The following AGBL4 variants were observed in gnomAD, a reference collection of about 807,000 sequenced individuals.
The protein encoded by AGBL4 is AGBL carboxypeptidase 4, also known as cytosolic carboxypeptidase 6.
A neutral mutation model predicts 66.4 loss-of-function variants in AGBL4; 58 were observed. The observed-to-expected ratio is 0.87, with a 90% CI of 0.71 to 1.09. The LOEUF (loss-of-function observed/expected upper bound fraction) is 1.09, where lower values mean the gene tolerates loss of function less well. Among genes scored for constraint, AGBL4 ranks in the 50% least tolerant of loss-of-function variants. The probability of loss-of-function intolerance (pLI) is 0.00; values close to 1 mark genes in which losing one functional copy is unlikely to be tolerated. For synonymous variants in AGBL4, 234 were observed against 222.9 expected (o/e 1.05, Z -0.44); for missense variants, 579 against 631.0 (o/e 0.92, Z 0.88).
At chr1:49,084,381 T>G (rs1644865679) in intron 4 of AGBL4, among the ~76,000 whole-genome samples, 1 of 152,212 alleles carries the variant, frequency 6.6e-6, no homozygotes, top group Non-Finnish European at 1.5e-5. Flanking sequence ...GAAAGAGGTT[T>G]AAATAAGTCA....
chr1:48,653,250 C>T (rs1451990008), intron 8 of AGBL4, 87 bp downstream of exon 8: 2 of 1,083,486 alleles, frequency 1.8e-6, no homozygotes, highest in Admixed American at 2.7e-5. Context: ...AAAATTCTTC[C>T]TCAAAAAATA....
At chr1:49,989,277 T>C (rs1659744272) in intron 1 of AGBL4, among the ~76,000 whole-genome samples, 1 of 152,144 alleles carries the variant, frequency 6.6e-6, no homozygotes, top group Non-Finnish European at 1.5e-5. Context: ...GACATGTGCA[T>C]CTGAAATGTA....
chr1:49,917,037 A>G (rs1281320289), intron 1 of AGBL4, among the ~76,000 whole-genome samples: 1 of 152,236 alleles, frequency 6.6e-6, no homozygotes, highest in East Asian at 1.9e-4. Flanking sequence ...GCAAATGCTG[A>G]GAGATTTTGT....
intron 3 of AGBL4, among the ~76,000 whole-genome samples, chr1:49,355,818 A>T (rs903408206): frequency 6.6e-6 from 1 of 152,148 alleles, no homozygotes; most frequent in African/African-American, 2.4e-5. Flanking sequence ...TCTAATTTTC[A>T]TGTCACTTCC....
At chr1:49,672,921 CAAAAAAAAA>C (rs60612868) in intron 3 of AGBL4, among the ~76,000 whole-genome samples, 3 of 47,084 alleles carry the variant, frequency 6.4e-5, no homozygotes, top group Non-Finnish European at 1.0e-4. Flanking sequence ...AACTCCATCT[CAAAAAAAAA>C]AAAAAAAAAA....
chr1:49,065,995 G>A (rs1644485188), intron 4 of AGBL4, among the ~76,000 whole-genome samples: 1 of 152,190 alleles, frequency 6.6e-6, no homozygotes, highest in South Asian at 2.1e-4. Flanking sequence ...CTGTCTTGAA[G>A]CATAAGACTG....
chr1:50,012,418 G>C (rs1440225762), intron 1 of AGBL4, among the ~76,000 whole-genome samples: 1 of 151,972 alleles, frequency 6.6e-6, no homozygotes, highest in East Asian at 1.9e-4. Flanking sequence ...TGATGTGCTT[G>C]TTTCACATTG....
intron 3 of AGBL4, among the ~76,000 whole-genome samples, chr1:49,441,138 T>C (rs1243737982): frequency 1.3e-5 from 2 of 152,124 alleles, no homozygotes; most frequent in African/African-American, 4.8e-5. Context: ...AGATTAAAGT[T>C]CCGGTGGGCC....
chr1:49,783,031 T>G (rs563367549), intron 2 of AGBL4, among the ~76,000 whole-genome samples: 1 of 151,984 alleles, frequency 6.6e-6, no homozygotes, highest in South Asian at 2.1e-4. Flanking sequence ...ATAATGTCAG[T>G]ACATAGCAAG....
At chr1:49,154,189 T>C (rs1479688018) in intron 4 of AGBL4, among the ~76,000 whole-genome samples, 1 of 152,020 alleles carries the variant, frequency 6.6e-6, no homozygotes, top group East Asian at 1.9e-4. Context: ...AGGCAGCAAG[T>C]TGTTACATCA....
intron 4 of AGBL4, among the ~76,000 whole-genome samples, chr1:49,213,971 A>C (rs886824810): frequency 1.3e-5 from 2 of 152,078 alleles, no homozygotes; most frequent in East Asian, 3.9e-4. Flanking sequence ...AGTTTAATTT[A>C]CTTTGTATGC....
chr1:48,591,572 T>C (rs34518558), intron 9 of AGBL4, among the ~76,000 whole-genome samples: 3,103 of 152,278 alleles, frequency 0.02, 30 homozygotes, highest in Middle Eastern at 0.044. Context: ...GCAATAATAA[T>C]TACTATATTT....
intron 3 of AGBL4, among the ~76,000 whole-genome samples, chr1:49,540,394 C>T (rs760248007): frequency 1.3e-5 from 2 of 152,162 alleles, no homozygotes; most frequent in Non-Finnish European, 2.9e-5. Context: ...TGAGGTAGCA[C>T]CCTTGATCTC....
At chr1:48,937,524 G>A (rs541966745) in intron 5 of AGBL4, among the ~76,000 whole-genome samples, 7 of 152,120 alleles carry the variant, frequency 4.6e-5, no homozygotes, top group Non-Finnish European at 8.8e-5. Context: ...AGTATATGCT[G>A]TTTCTCCATG....
intron 1 of AGBL4, among the ~76,000 whole-genome samples, chr1:49,999,334 C>CAAAAAAAAA (rs58760048): frequency 7.4e-6 from 1 of 134,476 alleles, no homozygotes. Context: ...ACTACCACTG[C>CAAAAAAAAA]AAAAAAAAAA....
rs1305270812 is a variant in AGBL4, at chr1:48,814,036, T to A, written c.634+53155A>T. On this transcript the variant is annotated intron_variant, in intron 6 of 13. Transcript: ENST00000371839. ...AGTTGCCAGGGAGAATTGGCTGAGA[T>A]GAGGTTAGATTTGGGTATTTTTGAA... 2.6e-5 allele frequency among the ~76,000 whole-genome samples: 4 copies of A among 152,130 alleles called. No individual in the cohort carries two copies. The East Asian group carries it at 7.7e-4, about 29-fold the overall frequency.
intron 1 of AGBL4, among the ~76,000 whole-genome samples, chr1:49,991,981 A>G (rs1375128633): frequency 6.6e-6 from 1 of 152,236 alleles, no homozygotes; most frequent in African/African-American, 2.4e-5. Context: ...AGACTTAAAT[A>G]TAAGGCATAT....
intron 5 of AGBL4, among the ~76,000 whole-genome samples, chr1:48,900,150 T>C (rs1394786536): frequency 6.6e-6 from 1 of 151,966 alleles, no homozygotes; most frequent in African/African-American, 2.4e-5. Flanking sequence ...ATTCAAGGAA[T>C]TGAGAGACCA....
intron 4 of AGBL4, among the ~76,000 whole-genome samples, chr1:49,229,698 T>C (rs187850396): frequency 6.6e-6 from 1 of 152,266 alleles, no homozygotes; most frequent in African/African-American, 2.4e-5. Context: ...TGAGGTGTAA[T>C]GGGAACACAA....
Sources: allele counts gnomAD v4.1 joint callset (sites outside exome capture counted in the v4.1 genomes callset), GRCh38; gene constraint gnomAD v4.1.1; transcripts MANE v1.5; gene names NCBI Gene and HGNC (gene_info 2026-07-23, HGNC 2026-07-21).